Variants in SPEF2 observed in about 807,000 individuals in gnomAD.
The protein encoded by SPEF2 is sperm flagella and cilia-associated protein 2.
Under a neutral mutation model 224.6 loss-of-function variants are expected in SPEF2, and 187 were observed. The observed-to-expected ratio is 0.83, with a 90% CI of 0.74 to 0.94. The LOEUF is 0.94. SPEF2 is among the 40% of genes least tolerant of loss of function. The pLI is 0.00. For missense variants in SPEF2, 2,170 were observed against 2,135.6 expected, an observed-to-expected ratio of 1.02 and a Z score of -0.32; for synonymous variants, 715 against 707.3, an observed-to-expected ratio of 1.01 and a Z score of -0.17.
chr5:35,628,351 G>A, intron 1 of SPEF2, 109 bp from the exon 2 acceptor site: 1 of 574,218 alleles, frequency 1.7e-6, no homozygotes, highest in Non-Finnish European at 3.0e-6. Context: ...ATGGCATTTT[G>A]AGTTCCAGTT....
chr5:35,733,573 C>T (rs1746027321), intron 21 of SPEF2, among the ~76,000 whole-genome samples: 1 of 152,166 alleles, frequency 6.6e-6, no homozygotes, highest in Admixed American at 6.5e-5. Flanking sequence ...GAGATTGTCT[C>T]AGTGCATCAG....
Position 35,659,186 on chromosome 5 carries a change from G to A in SPEF2, c.1146G>A (p.Gln382=). 1.9e-6 allele frequency: 3 copies of A among 1,610,150 alleles called. No individual in the cohort carries two copies. The highest frequency in any genetic ancestry group is 8.5e-7 in the Non-Finnish European group (1 of 1,177,834). Residue 382 remains glutamine, a synonymous_variant, in exon 8 of 37, where the codon CAG becomes CAA. Transcript: ENST00000356031. ...AGGAAAGACGACTTAAAGATTTCCA[G>A]GATGCTCTTGATCGAGAAGCGGTAA... is the stretch of plus-strand genomic sequence containing the variant. ...QHEERRLKDF[Q]DALDREAALA...
chr5:35,768,305 G>C (rs370973766), intron 26 of SPEF2, among the ~76,000 whole-genome samples: 1 of 152,074 alleles, frequency 6.6e-6, no homozygotes, highest in Non-Finnish European at 1.5e-5. Flanking sequence ...ACCAGACGTA[G>C]AAGCTCTAGA....
chr5:35,720,753 G>A lies in SPEF2; in HGVS notation c.2915-6922G>A, dbSNP rs566972855. 2.6e-5 allele frequency among the ~76,000 whole-genome samples: 4 copies of A among 152,212 alleles called. 1 individual carries two copies. In the South Asian group the frequency reaches 8.3e-4, roughly 32 times the overall value. On this transcript the variant is annotated intron_variant, in intron 20 of 36. Transcript: ENST00000356031. ...ATCAAGATATAACCTAAAGAAGATT[G>A]AGCATCATTTTGGCAATCCCACGTA...
intron 10 of SPEF2, chr5:35,671,588 A>G (rs1751224360): frequency 1.1e-6 from 1 of 892,688 alleles, no homozygotes; most frequent in Non-Finnish European, 1.3e-6. Context: ...TTACTGGTTC[A>G]TCGAATGTTT....
chr5:35,664,218 C>A (rs1750115551), intron 8 of SPEF2, among the ~76,000 whole-genome samples: 1 of 151,036 alleles, frequency 6.6e-6, no homozygotes. Flanking sequence ...GTTTGCCTAT[C>A]CCACTGGCAT....
At chr5:35,652,548 C>T (rs756108939) in intron 6 of SPEF2, among the ~76,000 whole-genome samples, 10 of 152,100 alleles carry the variant, frequency 6.6e-5, no homozygotes, top group South Asian at 4.2e-4. Context: ...GGTTGAGCCC[C>T]GGCTGATAAA....
At position 35,641,491 on chromosome 5, in the gene SPEF2, T is replaced by C. The variant is rs145953759; in HGVS notation, c.222T>C (p.Gly74=). 131 of 1,613,700 alleles carry C rather than the reference T, an allele frequency of 8.1e-5. No individual in the cohort carries two copies. The highest frequency in any genetic ancestry group is 1.1e-4 in the Non-Finnish European group (124 of 1,179,826). ...TGGAGCCAACACTTAACCTTCTGGGTGTGCAGTTTGATCAGAATGTGGCCC... is the reference window on the plus strand; with the variant it reads ...TGGAGCCAACACTTAACCTTCTGGGCGTGCAGTTTGATCAGAATGTGGCCC... ...SRLEPTLNLL[G]VQFDQNVAHG... Residue 74 remains glycine (G), a synonymous_variant, in exon 3 of 37, where the codon GGT becomes GGC. Transcript: ENST00000356031.
chr5:35,683,288 G>A (rs1314895233), intron 10 of SPEF2, among the ~76,000 whole-genome samples: 1 of 152,116 alleles, frequency 6.6e-6, no homozygotes, highest in Non-Finnish European at 1.5e-5. Flanking sequence ...CAGGAATTCA[G>A]AATTCAAGTG....
chr5:35,740,151 A>G lies in SPEF2; in HGVS notation c.3214A>G (p.Lys1072Glu), dbSNP rs896676198. 9 of 1,614,026 alleles carry G rather than the reference A, an allele frequency of 5.6e-6. No individual in the cohort carries two copies. In the African/African-American group the frequency reaches 1.1e-4, roughly 19 times the overall value. ...EIRTSFQEFL[K>E]RPDHKQDFVA... ...CAGAACAAGTTTCCAGGAGTTTCTAAAGCGTCCGGATCACAAGCAAGATTT... is the reference window on the plus strand; with the variant it reads ...CAGAACAAGTTTCCAGGAGTTTCTAGAGCGTCCGGATCACAAGCAAGATTT... The change falls in exon 23 of 37, where the codon AAG (lysine) becomes GAG (glutamate). Residue 1072 changes from lysine to glutamate, a missense_variant. Transcript: ENST00000356031.
At chr5:35,670,343 G>T in intron 10 of SPEF2, 116 bp downstream of exon 10, 2 of 1,430,314 alleles carry the variant, frequency 1.4e-6, no homozygotes, top group South Asian at 1.6e-5. Flanking sequence ...TGTTTTGTTT[G>T]CATTTTCCCT....
At chr5:35,666,245 A>G (rs1237934010) in intron 8 of SPEF2, among the ~76,000 whole-genome samples, 1 of 152,170 alleles carries the variant, frequency 6.6e-6, no homozygotes, top group African/African-American at 2.4e-5. Context: ...GCAGGCTAGC[A>G]CGTAACTGAA....
At chr5:35,722,353 G>A (rs1287369938) in intron 20 of SPEF2, among the ~76,000 whole-genome samples, 1 of 152,012 alleles carries the variant, frequency 6.6e-6, no homozygotes, top group East Asian at 1.9e-4. Flanking sequence ...TAGAAAAAAC[G>A]AAAAGGCCAT....
chr5:35,668,705 G>A (rs1257273079), intron 9 of SPEF2, among the ~76,000 whole-genome samples: 1 of 152,012 alleles, frequency 6.6e-6, no homozygotes, highest in African/African-American at 2.4e-5. Flanking sequence ...TCCTACTTTT[G>A]CCATTTTATC....
intron 20 of SPEF2, among the ~76,000 whole-genome samples, chr5:35,723,498 C>T (rs560712159): frequency 6.6e-6 from 1 of 152,322 alleles, no homozygotes; most frequent in African/African-American, 2.4e-5. Context: ...CCAAGGCTGA[C>T]TGCTCTATTG....
chr5:35,633,157 T>C (rs993735471), intron 2 of SPEF2: 1 of 152,190 alleles, frequency 6.6e-6, no homozygotes, highest in African/African-American at 2.4e-5. Context: ...CCAGTTGGTT[T>C]ATAGTGTTAT....
intron 29 of SPEF2, among the ~76,000 whole-genome samples, chr5:35,778,183 G>A (rs1304501874): frequency 6.6e-6 from 1 of 152,134 alleles, no homozygotes; most frequent in Non-Finnish European, 1.5e-5. Flanking sequence ...GCATTTTTCT[G>A]TGTTGCTCAC....
chr5:35,803,839 T>C (rs1489602035), intron 34 of SPEF2, among the ~76,000 whole-genome samples: 1 of 152,244 alleles, frequency 6.6e-6, no homozygotes, highest in African/African-American at 2.4e-5. Context: ...TTCTTTACTC[T>C]ATTTCTGCTA....
intron 20 of SPEF2, among the ~76,000 whole-genome samples, chr5:35,715,115 G>A (rs1699087232): frequency 6.6e-6 from 1 of 151,818 alleles, no homozygotes; most frequent in Non-Finnish European, 1.5e-5. Context: ...TGGGGTTTCA[G>A]CATGTTGCCC....
Sources: gnomAD v4.1 joint callset for allele counts (sites outside exome capture counted in the v4.1 genomes callset) on GRCh38, gnomAD v4.1.1 for gene constraint, MANE v1.5 for transcripts, NCBI Gene and HGNC (gene_info 2026-07-23, HGNC 2026-07-21) for gene names.